RB1: variants seen among roughly 807,000 people sequenced by gnomAD.
RB1 encodes RB transcriptional corepressor 1.
Under a neutral mutation model 135.4 loss-of-function variants are expected in RB1, and 18 were observed. That is an observed-to-expected ratio of 0.13 (90% CI 0.09 to 0.20). RB1 has a LOEUF of 0.20. Among genes scored for constraint, RB1 ranks in the 10% least tolerant of loss-of-function variants. The pLI is 1.00. For missense variants in RB1, 868 were observed against 1,110.0 expected (o/e 0.78, Z 3.10); for synonymous variants, 365 against 373.2 (o/e 0.98, Z 0.25).
At position 48,322,980 on chromosome 13, in the gene RB1, T is replaced by C. The variant is rs184224642; in HGVS notation, c.264+15574T>C. Among the ~76,000 whole-genome samples, 493 of 152,242 alleles carry C rather than the reference T, an allele frequency of 3.2e-3. 1 individual carries two copies. Among genetic ancestry groups the C allele is most frequent in the Middle Eastern group, 0.031 (9 of 294 alleles). On this transcript the variant is annotated intron_variant, in intron 2 of 26. Transcript: ENST00000267163. ...AAGAGATTTTGGTCTTTAGTTTTTT[T>C]CCTTGTGCTGTCTTTGTCTGATTTT...
In RB1 at chr13:48,465,033, T is replaced by C. The variant is rs587778861; in HGVS notation, c.2247T>C (p.Tyr749=). Residue 749 remains tyrosine (Y), a synonymous_variant, in exon 22 of 27, where the codon TAT becomes TAC. Coordinates refer to ENST00000267163, the MANE Select transcript of RB1 (RefSeq NM_000321.3). ...GTGTTTTGATCAAAGAAGAGGAGTA[T>C]GATTCTATTATAGTATTCTATAACT... The part of the protein sequence containing the change: ...FKRVLIKEEE[Y]DSIIVFYNSV... 1 of 1,607,642 alleles carries C rather than the reference T, an allele frequency of 6.2e-7. No homozygotes were observed.
chr13:48,374,871 C>T (rs1310265777), intron 12 of RB1, among the ~76,000 whole-genome samples: 3 of 152,008 alleles, frequency 2.0e-5, no homozygotes, highest in Non-Finnish European at 4.4e-5. Context: ...TCCTTCCCTC[C>T]TCCCTCTAGT....
chr13:48,465,336 G>A lies in RB1; in HGVS notation c.2457G>A (p.Leu819=), dbSNP rs1593539513. 6.2e-7 allele frequency: 1 copy of A among 1,609,364 alleles called. No homozygotes were observed. Among genetic ancestry groups the A allele is most frequent in the Non-Finnish European group, 8.5e-7 (1 of 1,175,754 alleles). Residue 819 remains leucine, a synonymous_variant, in exon 23 of 27, where the codon CTG becomes CTA. Coordinates refer to ENST00000267163, the MANE Select transcript of RB1 (RefSeq NM_000321.3). ...LKSPYKISEG[L]PTPTKMTPRS... ...GTCCATATAAAATTTCAGAAGGTCT[G>A]CCAACACCAACAAAAATGACTCCAA...
At chr13:48,329,195 A>G (rs1017661726) in intron 2 of RB1, among the ~76,000 whole-genome samples, 9 of 152,168 alleles carry the variant, frequency 5.9e-5, no homozygotes, top group Non-Finnish European at 1.3e-4. Context: ...TCCTGTTTTA[A>G]TTTACCTCAT....
intron 23 of RB1, among the ~76,000 whole-genome samples, chr13:48,465,686 G>GT (rs1949437002): frequency 1.3e-5 from 2 of 151,394 alleles, no homozygotes; most frequent in Non-Finnish European, 3.0e-5. Context: ...AGTGGGCGCA[G>GT]GCCAGTGTGT....
intron 2 of RB1, chr13:48,328,348 G>A (rs1339834686): frequency 5.1e-6 from 8 of 1,560,726 alleles, no homozygotes; most frequent in Non-Finnish European, 7.1e-6. Flanking sequence ...CTTGATCCAA[G>A]TTTGATGGAT....
intron 2 of RB1, among the ~76,000 whole-genome samples, chr13:48,339,527 C>A (rs1952422383): frequency 6.6e-6 from 1 of 152,162 alleles, no homozygotes. Flanking sequence ...TGGAAAAGCG[C>A]AGTATTAGGG....
intron 17 of RB1, among the ~76,000 whole-genome samples, chr13:48,398,145 A>G (rs530356924): frequency 1.3e-5 from 2 of 152,304 alleles, no homozygotes; most frequent in Non-Finnish European, 2.9e-5. Flanking sequence ...CAATTATGCT[A>G]TATTTTTAAA....
At position 48,396,200 on chromosome 13, in the gene RB1, G is replaced by A. The variant is rs566287529; in HGVS notation, c.1695+14757G>A. Among the ~76,000 whole-genome samples, 3 of 152,174 alleles carry A rather than the reference G, an allele frequency of 2.0e-5. No homozygotes were observed. The East Asian group carries it at 5.8e-4, about 29-fold the overall frequency. ...GCCCATATAGCCGAGACAATCTTAAGCAAAAAGAACAAAGCTGGAGGCATC... is the reference window on the plus strand; with the variant it reads ...GCCCATATAGCCGAGACAATCTTAAACAAAAAGAACAAAGCTGGAGGCATC... On this transcript the variant is annotated intron_variant, in intron 17 of 26. Transcript: ENST00000267163.
rs780176527 is a variant in RB1 at position 48,473,313 on chromosome 13, G to C, written c.2490-47G>C. ...TATTTATGCTCATCTCTGCAAAATT[G>C]TATATGGTTTTTTATTACTAATTGG... is the stretch of plus-strand genomic sequence containing the variant. On this transcript the variant is annotated intron_variant, in intron 23 of 26. Transcript: ENST00000267163. 1 of 1,471,270 alleles carries C rather than the reference G, an allele frequency of 6.8e-7. No individual in the cohort carries two copies. The highest frequency in any genetic ancestry group is 9.5e-7 in the Non-Finnish European group (1 of 1,053,832). 91.1% of individuals were successfully genotyped at this position (1,471,270 alleles called of 1,614,324 possible).
chr13:48,328,089 T>A (rs531423728), intron 2 of RB1: 1 of 858,846 alleles, frequency 1.2e-6, no homozygotes, highest in Non-Finnish European at 2.0e-6. Context: ...TTAATTGTCT[T>A]GGTCATAGAC....
At chr13:48,461,688 G>A (rs1222212730) in intron 20 of RB1, among the ~76,000 whole-genome samples, 5 of 151,814 alleles carry the variant, frequency 3.3e-5, no homozygotes, top group Non-Finnish European at 5.9e-5. Context: ...CCATCCTAGT[G>A]GGTATAAAAT....
chr13:48,433,926 G>A (rs1949156740), intron 17 of RB1, among the ~76,000 whole-genome samples: 1 of 151,268 alleles, frequency 6.6e-6, no homozygotes, highest in African/African-American at 2.4e-5. Flanking sequence ...GTCTTGCTAT[G>A]TTGCCCAGGC....
chr13:48,422,530 T>G (rs188805500), intron 17 of RB1: 31 of 152,240 alleles, frequency 2.0e-4, no homozygotes, highest in African/African-American at 6.0e-4. Context: ...TAAAAAATGG[T>G]GAAGACAAGC....
chr13:48,459,724 G>T lies in RB1; in HGVS notation c.1997G>T (p.Cys666Phe), dbSNP rs1160394123. 6 of 1,613,816 alleles carry T rather than the reference G, an allele frequency of 3.7e-6. No individual in the cohort carries two copies. Among genetic ancestry groups the T allele is most frequent in the Non-Finnish European group, 5.1e-6 (6 of 1,180,008 alleles). The change falls in exon 20 of 27, where the codon TGT (cysteine) becomes TTT (phenylalanine). Residue 666 changes from cysteine to phenylalanine, a missense_variant. Physicochemically the swap from Cys to Phe is radical, Grantham distance 205. Coordinates refer to ENST00000267163, the MANE Select transcript of RB1 (RefSeq NM_000321.3). ...GCCTATCTCCGGCTAAATACACTTT[G>T]TGAACGCCTTCTGTCTGAGCACCCA... is the stretch of plus-strand genomic sequence containing the variant. ...RLAYLRLNTLCERLLSEHPEL... is the reference protein window; with the variant it reads ...RLAYLRLNTLFERLLSEHPEL...
chr13:48,309,872 AT>A (rs1235303970), intron 2 of RB1, among the ~76,000 whole-genome samples: 1 of 152,142 alleles, frequency 6.6e-6, no homozygotes, highest in African/African-American at 2.4e-5. Flanking sequence ...ATATAAGCAA[AT>A]GTTACTGCTT....
chr13:48,329,760 T>C (rs551937300), intron 2 of RB1, among the ~76,000 whole-genome samples: 1 of 152,308 alleles, frequency 6.6e-6, no homozygotes, highest in African/African-American at 2.4e-5. Flanking sequence ...CAGTTTAAGA[T>C]AATTTTCAGC....
chr13:48,368,898 C>T (rs756510002), intron 11 of RB1, among the ~76,000 whole-genome samples: 9 of 151,824 alleles, frequency 5.9e-5, no homozygotes, highest in Non-Finnish European at 1.2e-4. Flanking sequence ...CCCAGCTGCT[C>T]GGGAGGCTGA....
chr13:48,323,657 T>G (rs1263209515), intron 2 of RB1, among the ~76,000 whole-genome samples: 1 of 152,108 alleles, frequency 6.6e-6, no homozygotes, highest in African/African-American at 2.4e-5. Context: ...TTGTACTGCC[T>G]ACTTTTAGAA....
Sources: allele counts gnomAD v4.1 joint callset (sites outside exome capture counted in the v4.1 genomes callset), GRCh38; gene constraint gnomAD v4.1.1; transcripts MANE v1.5; gene names NCBI Gene and HGNC (gene_info 2026-07-23, HGNC 2026-07-21).